The following NETO1 variants were observed in gnomAD, a reference collection of about 807,000 sequenced individuals.
The protein encoded by NETO1 is neuropilin and tolloid-like protein 1.
NETO1 carries 26 observed loss-of-function variants against 61.3 expected under a neutral mutation model. The ratio of observed to expected loss-of-function variants is 0.42; its 90% CI spans 0.31 to 0.59. NETO1 has a LOEUF of 0.59. NETO1 is among the 20% of genes least tolerant of loss of function. The pLI is 0.12. For missense variants in NETO1, 531 were observed against 662.8 expected, an observed-to-expected ratio of 0.80 and a Z score of 2.18; for synonymous variants, 225 against 225.8, an observed-to-expected ratio of 1.00 and a Z score of 0.03.
At chr18:72,813,984 C>G (rs2072950325) in intron 4 of NETO1, among the ~76,000 whole-genome samples, 1 of 151,854 alleles carries the variant, frequency 6.6e-6, no homozygotes, top group East Asian at 1.9e-4. Context: ...TCAGTGGCAC[C>G]CGGGAGACTG....
chr18:72,766,232 G>C (rs2071155622), intron 7 of NETO1, among the ~76,000 whole-genome samples: 1 of 150,414 alleles, frequency 6.6e-6, no homozygotes, highest in African/African-American at 2.4e-5. Context: ...GTGTGTGTGT[G>C]TGTGTGTGTG....
At chr18:72,761,147 T>G (rs2145130917) in intron 7 of NETO1, among the ~76,000 whole-genome samples, 1 of 145,264 alleles carries the variant, frequency 6.9e-6, no homozygotes, top group East Asian at 2.0e-4. Context: ...GATATAAACG[T>G]GACTTAACTG....
At chr18:72,759,458 A>C (rs1208536359) in intron 7 of NETO1, among the ~76,000 whole-genome samples, 1 of 152,198 alleles carries the variant, frequency 6.6e-6, no homozygotes, top group African/African-American at 2.4e-5. Context: ...TAATGGCTTA[A>C]GCTTACTAGG....
rs34744568 is a variant in NETO1, at chr18:72,753,265, GA to G, written c.983-2646del. Among the ~76,000 whole-genome samples, 867 of 148,906 alleles carry G rather than the reference GA, an allele frequency of 5.8e-3. 31 individuals are homozygous for G. In the East Asian group the frequency reaches 0.086, roughly 15 times the overall value. The stretch of plus-strand genomic sequence containing the variant: ...ATAAAACACCTTGAAAGCAACAGAG[GA>G]AAAAAAAAACTCATCATAGAAAGGA... On this transcript the variant is annotated intron_variant, in intron 8 of 10. Coordinates refer to ENST00000327305, the MANE Select transcript of NETO1 (RefSeq NM_138966.5).
intron 4 of NETO1, among the ~76,000 whole-genome samples, chr18:72,797,037 C>T (rs1016077805): frequency 3.9e-5 from 6 of 152,150 alleles, no homozygotes; most frequent in Non-Finnish European, 8.8e-5. Flanking sequence ...ATTCCCTATT[C>T]TTCCTTATTT....
rs561644248 is a variant in NETO1, at chr18:72,867,806, G to A, written c.-515C>T. ...GCGGCGGCGGCGCCGGCGGCGGCGG[G>A]GTGGCTCAGTCCCCAGTCTCAGACG... On this transcript the variant is annotated 5_prime_UTR_variant, in exon 1 of 11. Transcript: ENST00000327305. 6.6e-3 allele frequency: 1,046 copies of A among 159,440 alleles called. 11 individuals are homozygous for A. The highest frequency in any genetic ancestry group is 0.011 in the Non-Finnish European group (801 of 75,022). 9.9% of individuals were successfully genotyped at this position (159,440 alleles called of 1,614,324 possible).
At chr18:72,840,764 G>C (rs917985870) in intron 4 of NETO1, among the ~76,000 whole-genome samples, 2 of 152,156 alleles carry the variant, frequency 1.3e-5, no homozygotes, top group Admixed American at 1.3e-4. Flanking sequence ...ATTTCCTAGT[G>C]AGACCAGTCA....
rs546065590 is a variant in NETO1 at position 72,750,719 on chromosome 18, T to C, written c.983-99A>G. On this transcript the variant is annotated intron_variant, in intron 8 of 10. Transcript: ENST00000327305. ...CAAAATGTGTATTAAAAACTTAAAG[T>C]AAAGCAGGCTGAGCACAGAATTTTT... The C allele has an allele frequency of 3.3e-4, 267 of 797,406 alleles. No homozygotes were observed. The East Asian group carries it at 7.0e-3, about 21-fold the overall frequency. 49.4% of individuals were successfully genotyped at this position (797,406 alleles called of 1,614,324 possible).
intron 4 of NETO1, among the ~76,000 whole-genome samples, chr18:72,833,223 C>T (rs924402598): frequency 6.6e-6 from 1 of 152,138 alleles, no homozygotes; most frequent in African/African-American, 2.4e-5. Flanking sequence ...ATGAATCTAC[C>T]GTTTTTCACT....
Position 72,782,798 on chromosome 18 carries a change from C to A in NETO1, c.868+880G>T, listed in dbSNP as rs554950372. ...CAGCCTGGGCAACAAGAGCAAAACT[C>A]CATCTCAAAAAAAAATAATAATAAA... On this transcript the variant is annotated intron_variant, in intron 7 of 10. Coordinates refer to ENST00000327305, the MANE Select transcript of NETO1 (RefSeq NM_138966.5). Among the ~76,000 whole-genome samples the A allele has an allele frequency of 1.5e-3, 223 of 151,978 alleles. 1 individual carries two copies. The highest frequency in any genetic ancestry group is 5.0e-3 in the African/African-American group (207 of 41,448).
At chr18:72,775,303 G>A (rs528041585) in intron 7 of NETO1, among the ~76,000 whole-genome samples, 1 of 152,254 alleles carries the variant, frequency 6.6e-6, no homozygotes, top group East Asian at 1.9e-4. Flanking sequence ...TGCTTCTAAT[G>A]TGCACTTGCA....
At chr18:72,826,790 T>C (rs1266257941) in intron 4 of NETO1, among the ~76,000 whole-genome samples, 1 of 152,120 alleles carries the variant, frequency 6.6e-6, no homozygotes, top group Non-Finnish European at 1.5e-5. Context: ...CTGACAGGAA[T>C]AGAATCTTAT....
At chr18:72,777,735 T>A (rs2071605641) in intron 7 of NETO1, among the ~76,000 whole-genome samples, 1 of 152,180 alleles carries the variant, frequency 6.6e-6, no homozygotes, top group Non-Finnish European at 1.5e-5. Context: ...AGAACGAGAC[T>A]CCATCTCAAA....
At chr18:72,855,835 T>C (rs17086492) in intron 4 of NETO1, among the ~76,000 whole-genome samples, 3,811 of 152,286 alleles carry the variant, frequency 0.025, 129 homozygotes, top group East Asian at 0.12. Context: ...CAACCTGTGT[T>C]AGGAAGATGA....
In NETO1 at chr18:72,867,630, T is replaced by A. The variant is rs1328616770; in HGVS notation, c.-339A>T. 1 of 180,500 alleles carries A rather than the reference T, an allele frequency of 5.5e-6. No individual in the cohort carries two copies. The highest frequency in any genetic ancestry group is 1.1e-5 in the Non-Finnish European group (1 of 87,544). 11.2% of individuals were successfully genotyped at this position (180,500 alleles called of 1,614,324 possible). On this transcript the variant is annotated 5_prime_UTR_variant, in exon 1 of 11. The change abolishes an upstream ATG in the 5' untranslated region. Transcript: ENST00000327305. ...GCCGTCAGGACCCTCCTCCCGGGCATCGTCGCCGCCGCGGGGTCGGGAGGA... is the reference window on the plus strand; with the variant it reads ...GCCGTCAGGACCCTCCTCCCGGGCAACGTCGCCGCCGCGGGGTCGGGAGGA...
chr18:72,856,311 T>C (rs2074408725), intron 4 of NETO1, among the ~76,000 whole-genome samples: 1 of 152,096 alleles, frequency 6.6e-6, no homozygotes, highest in Non-Finnish European at 1.5e-5. Context: ...CTAAAGTAAC[T>C]AAATTTCATA....
At chr18:72,775,136 C>G (rs113156617) in intron 7 of NETO1, among the ~76,000 whole-genome samples, 59 of 152,286 alleles carry the variant, frequency 3.9e-4, no homozygotes, top group African/African-American at 1.4e-3. Context: ...GTCGAGGCAG[C>G]AGTATTATAC....
chr18:72,807,757 C>T (rs57301917), intron 4 of NETO1, among the ~76,000 whole-genome samples: 1,861 of 150,974 alleles, frequency 0.012, 37 homozygotes, highest in East Asian at 0.035. Flanking sequence ...CACACACACC[C>T]ATACTGTCCA....
At chr18:72,752,201 CA>C (rs2070642740) in intron 8 of NETO1, 1 of 152,150 alleles carries the variant, frequency 6.6e-6, no homozygotes, top group Non-Finnish European at 1.5e-5. Context: ...TAACAACTCA[CA>C]AAGGCTAGAC....
Sources: gnomAD v4.1 joint callset for allele counts (sites outside exome capture counted in the v4.1 genomes callset) on GRCh38, gnomAD v4.1.1 for gene constraint, MANE v1.5 for transcripts, NCBI Gene and HGNC (gene_info 2026-07-23, HGNC 2026-07-21) for gene names.